Variants in MIPOL1 observed in about 807,000 individuals in gnomAD.
The protein encoded by MIPOL1 is mirror-image polydactyly 1.
A neutral mutation model predicts 60.9 loss-of-function variants in MIPOL1; 57 were observed. That is an observed-to-expected ratio of 0.94 (90% CI 0.76 to 1.17). The LOEUF is 1.17. MIPOL1 is among the 50% of genes most tolerant of loss of function. The pLI, the probability that MIPOL1 is intolerant of heterozygous loss-of-function variation, is 0.00. For synonymous variants in MIPOL1, 179 were observed against 168.8 expected (o/e 1.06, Z -0.47); for missense variants, 551 against 511.6 (o/e 1.08, Z -0.74).
chr14:37,329,516 G>T (rs1405875738), intron 9 of MIPOL1, among the ~76,000 whole-genome samples: 1 of 152,082 alleles, frequency 6.6e-6, no homozygotes, highest in Non-Finnish European at 1.5e-5. Context: ...TGTAATCTTA[G>T]AAGTTAGAGT....
Position 37,501,782 on chromosome 14 carries a change from G to A in MIPOL1, c.1262+1644G>A, listed in dbSNP as rs559133170. The A allele has an allele frequency of 6.6e-5, 10 of 152,312 alleles. No homozygotes were observed. In the South Asian group the frequency reaches 2.1e-3, roughly 32 times the overall value. The allele number at this position is 152,312 out of a possible 1,614,324, so 9.4% of individuals were successfully genotyped here. On this transcript the variant is annotated intron_variant, in intron 12 of 12. Transcript: ENST00000684589. ...TGCAGCCCACCGAGGGTGAGCCAAAGCAGGGCAGGGTGTCACCTCACCTGG... is the reference window on the plus strand; with the variant it reads ...TGCAGCCCACCGAGGGTGAGCCAAAACAGGGCAGGGTGTCACCTCACCTGG...
chr14:37,375,484 C>T (rs1224962291), intron 10 of MIPOL1, among the ~76,000 whole-genome samples: 2 of 152,134 alleles, frequency 1.3e-5, no homozygotes, highest in African/African-American at 4.8e-5. Flanking sequence ...CATGCCCAGC[C>T]TCCTTTTTAA....
chr14:37,512,859 T>G (rs928977389), intron 12 of MIPOL1, among the ~76,000 whole-genome samples: 4 of 152,180 alleles, frequency 2.6e-5, no homozygotes, highest in African/African-American at 4.8e-5. Context: ...GTACTATTAA[T>G]AAGTGGGAGG....
chr14:37,459,059 A>G (rs1362190140), intron 11 of MIPOL1, among the ~76,000 whole-genome samples: 1 of 152,006 alleles, frequency 6.6e-6, no homozygotes, highest in East Asian at 1.9e-4. Flanking sequence ...CATCAAAAAG[A>G]TAAAAAGGTC....
chr14:37,242,730 G>A (rs914483520), intron 1 of MIPOL1, among the ~76,000 whole-genome samples: 10 of 152,110 alleles, frequency 6.6e-5, no homozygotes, highest in Non-Finnish European at 1.5e-4. Flanking sequence ...AGAGATGGGG[G>A]AGAAAAATCA....
At chr14:37,261,192 A>C in intron 3 of MIPOL1, among the ~76,000 whole-genome samples, 1 of 151,910 alleles carries the variant, frequency 6.6e-6, no homozygotes, top group African/African-American at 2.4e-5. Context: ...GTGGCATTCT[A>C]TTTATTTTTC....
intron 10 of MIPOL1, among the ~76,000 whole-genome samples, chr14:37,410,970 CAA>C (rs2093672317): frequency 6.6e-6 from 1 of 151,996 alleles, no homozygotes; most frequent in Admixed American, 6.6e-5. Flanking sequence ...GATTTAAAGA[CAA>C]ATTTATTGGA....
At chr14:37,406,381 A>G (rs999938753) in intron 10 of MIPOL1, among the ~76,000 whole-genome samples, 33 of 152,174 alleles carry the variant, frequency 2.2e-4, no homozygotes, top group Admixed American at 7.2e-4. Flanking sequence ...GTGAAAAAAC[A>G]TACACGATCC....
chr14:37,434,709 G>A (rs1394511907), intron 11 of MIPOL1: 1 of 152,076 alleles, frequency 6.6e-6, no homozygotes, highest in African/African-American at 2.4e-5. Context: ...CTTAGCAGAT[G>A]TTGTGGCCTT....
intron 3 of MIPOL1, among the ~76,000 whole-genome samples, chr14:37,264,183 A>G (rs747540708): frequency 1.3e-5 from 2 of 152,160 alleles, no homozygotes; most frequent in Non-Finnish European, 2.9e-5. Context: ...CTTGGTTAGA[A>G]AAGGTACTAA....
At chr14:37,270,299 T>C in intron 5 of MIPOL1, 121 bp from the exon 6 acceptor site, 2 of 439,256 alleles carry the variant, frequency 4.6e-6, no homozygotes, top group South Asian at 5.6e-5. Context: ...TCTGGAGTTA[T>C]CTATCTAGGA....
intron 9 of MIPOL1, among the ~76,000 whole-genome samples, chr14:37,351,580 G>A (rs947405419): frequency 6.8e-6 from 1 of 146,382 alleles, no homozygotes; most frequent in African/African-American, 2.5e-5. Flanking sequence ...GTTGTTTCCT[G>A]ACTTTTTAAT....
intron 6 of MIPOL1, among the ~76,000 whole-genome samples, chr14:37,276,053 T>A (rs960981159): frequency 6.6e-6 from 1 of 151,316 alleles, no homozygotes; most frequent in Non-Finnish European, 1.5e-5. Context: ...TATTAGGTTT[T>A]AGCCAAAAGA....
chr14:37,234,631 G>C (rs1053402700), intron 1 of MIPOL1, among the ~76,000 whole-genome samples: 1 of 151,870 alleles, frequency 6.6e-6, no homozygotes, highest in African/African-American at 2.4e-5. Context: ...CACCACACCT[G>C]GACCCAAACC....
chr14:37,200,349 A>G (rs909502664), intron 1 of MIPOL1, among the ~76,000 whole-genome samples: 1 of 152,236 alleles, frequency 6.6e-6, no homozygotes, highest in Non-Finnish European at 1.5e-5. Flanking sequence ...CAGTTGTTAA[A>G]AGATAACTTT....
At chr14:37,360,505 G>T (rs560846777) in intron 9 of MIPOL1, among the ~76,000 whole-genome samples, 1 of 152,112 alleles carries the variant, frequency 6.6e-6, no homozygotes, top group Non-Finnish European at 1.5e-5. Flanking sequence ...GCCTGTTATT[G>T]GTCTATTCAG....
intron 9 of MIPOL1, among the ~76,000 whole-genome samples, chr14:37,312,332 A>G (rs927470828): frequency 2.0e-5 from 3 of 152,064 alleles, no homozygotes; most frequent in Non-Finnish European, 4.4e-5. Flanking sequence ...GGTGGTCTAG[A>G]ACTCCTGACC....
chr14:37,467,456 A>T (rs2094613137), intron 11 of MIPOL1, among the ~76,000 whole-genome samples: 3 of 152,192 alleles, frequency 2.0e-5, no homozygotes. Flanking sequence ...CTCCCTGTCT[A>T]TTCTCTATAA....
At chr14:37,407,997 G>T (rs1456230034) in intron 10 of MIPOL1, among the ~76,000 whole-genome samples, 1 of 150,794 alleles carries the variant, frequency 6.6e-6, no homozygotes, top group Non-Finnish European at 1.5e-5. Context: ...CTACAGGTGT[G>T]CACCACCACG....
Sources: allele counts gnomAD v4.1 joint callset (sites outside exome capture counted in the v4.1 genomes callset), GRCh38; gene constraint gnomAD v4.1.1; transcripts MANE v1.5; gene names NCBI Gene and HGNC (gene_info 2026-07-23, HGNC 2026-07-21).